The following CLYBL variants were observed in gnomAD, a reference collection of about 807,000 sequenced individuals.
CLYBL encodes citramalyl-CoA lyase, mitochondrial.
In CLYBL, 31 loss-of-function variants were observed where a neutral mutation model predicts 38.9. That is an observed-to-expected ratio of 0.80 (90% CI 0.60 to 1.08). The LOEUF (loss-of-function observed/expected upper bound fraction) is 1.08. CLYBL is among the 50% of genes least tolerant of loss of function. The pLI is 0.00. For synonymous variants in CLYBL, 171 were observed against 158.6 expected, an observed-to-expected ratio of 1.08 and a Z score of -0.59; for missense variants, 434 against 411.6, an observed-to-expected ratio of 1.05 and a Z score of -0.47.
chr13:99,768,250 A>G lies in CLYBL; in HGVS notation c.63-4574A>G, dbSNP rs1362743584. Among the ~76,000 whole-genome samples, 8 of 138,372 alleles carry G rather than the reference A, an allele frequency of 5.8e-5. 1 individual carries two copies. The highest frequency in any genetic ancestry group is 2.3e-4 in the South Asian group (1 of 4,346). The allele number at this position is 138,372 out of a possible 152,430, so 90.8% of individuals were successfully genotyped here. ...GCTCTGTCACCCAGGCTGGAGTGCAAACGGTGCTATCTCAGCTCACTGCAG... is the reference window on the plus strand; with the variant it reads ...GCTCTGTCACCCAGGCTGGAGTGCAGACGGTGCTATCTCAGCTCACTGCAG... On this transcript the variant is annotated intron_variant, in intron 1 of 8. Coordinates refer to ENST00000339105, the MANE Select transcript of CLYBL (RefSeq NM_206808.5).
intron 2 of CLYBL, among the ~76,000 whole-genome samples, chr13:99,813,700 A>G (rs1217335239): frequency 6.6e-6 from 1 of 152,208 alleles, no homozygotes; most frequent in Non-Finnish European, 1.5e-5. Flanking sequence ...GGATATGAGG[A>G]TTAAATCAGA....
At chr13:99,834,794 C>T (rs1185438830) in intron 2 of CLYBL, among the ~76,000 whole-genome samples, 1 of 152,218 alleles carries the variant, frequency 6.6e-6, no homozygotes, top group African/African-American at 2.4e-5. Context: ...CTGTCCTCAA[C>T]CCAGCCTTTA....
intron 2 of CLYBL, among the ~76,000 whole-genome samples, chr13:99,787,024 C>T (rs1381981009): frequency 6.6e-6 from 1 of 151,950 alleles, no homozygotes; most frequent in African/African-American, 2.4e-5. Context: ...ATTGTCTGTT[C>T]ACATCCTTCA....
chr13:99,815,690 A>C (rs2050432402), intron 2 of CLYBL, among the ~76,000 whole-genome samples: 1 of 152,160 alleles, frequency 6.6e-6, no homozygotes, highest in African/African-American at 2.4e-5. Flanking sequence ...GTTCAAGACA[A>C]ACATGGTGAA....
intron 1 of CLYBL, among the ~76,000 whole-genome samples, chr13:99,759,061 C>T (rs1312197645): frequency 6.6e-6 from 1 of 152,234 alleles, no homozygotes; most frequent in African/African-American, 2.4e-5. Flanking sequence ...TGCCTTTCTG[C>T]TCTTCCATTT....
chr13:99,715,345 G>C (rs1269457965), intron 1 of CLYBL, among the ~76,000 whole-genome samples: 1 of 151,936 alleles, frequency 6.6e-6, no homozygotes, highest in African/African-American at 2.4e-5. Context: ...TACTTCCTTT[G>C]CCCTTTTGGA....
At chr13:99,618,550 G>A (rs1045137125) in intron 1 of CLYBL, among the ~76,000 whole-genome samples, 1 of 152,192 alleles carries the variant, frequency 6.6e-6, no homozygotes, top group East Asian at 1.9e-4. Flanking sequence ...GATTACAGGC[G>A]TGAGCCACCA....
chr13:99,676,191 T>C (rs1436480852), intron 1 of CLYBL, among the ~76,000 whole-genome samples: 1 of 49,126 alleles, frequency 2.0e-5, no homozygotes, highest in African/African-American at 6.3e-5. Context: ...CGTCCGTCCT[T>C]CCTTCCTTCC....
At chr13:99,807,659 G>A (rs547059327) in intron 2 of CLYBL, among the ~76,000 whole-genome samples, 9 of 152,206 alleles carry the variant, frequency 5.9e-5, no homozygotes, top group Admixed American at 2.0e-4. Flanking sequence ...CAGGGGCCGG[G>A]GGGGAAGGAG....
chr13:99,864,141 A>G (rs1415901821), intron 4 of CLYBL, among the ~76,000 whole-genome samples: 2 of 152,240 alleles, frequency 1.3e-5, no homozygotes, highest in Admixed American at 6.5e-5. Context: ...TCCATAATGT[A>G]CTTAGAAGCA....
intron 2 of CLYBL, among the ~76,000 whole-genome samples, chr13:99,825,884 C>CT (rs1316321876): frequency 6.6e-6 from 1 of 152,210 alleles, no homozygotes; most frequent in Non-Finnish European, 1.5e-5. Context: ...TTCAGTTTGC[C>CT]TCCCAGTCCC....
chr13:99,767,913 T>C (rs1229425640), intron 1 of CLYBL, among the ~76,000 whole-genome samples: 1 of 152,198 alleles, frequency 6.6e-6, no homozygotes, highest in East Asian at 1.9e-4. Context: ...TGTTTTAAAG[T>C]CTTTGCCATC....
chr13:99,880,052 A>G (rs868736153), intron 7 of CLYBL, among the ~76,000 whole-genome samples: 73 of 48,728 alleles, frequency 1.5e-3, no homozygotes, highest in African/African-American at 3.8e-3. Context: ...GTGTGTATGT[A>G]TATATATATA....
At chr13:99,619,742 C>G (rs2046766134) in intron 1 of CLYBL, among the ~76,000 whole-genome samples, 1 of 152,190 alleles carries the variant, frequency 6.6e-6, no homozygotes, top group South Asian at 2.1e-4. Context: ...ATTTTTCTCA[C>G]CCATCAAAAG....
rs1255425851 is a variant in CLYBL at position 99,661,822 on chromosome 13, AAC to A, written c.62+55067_62+55068del. 5.9e-5 allele frequency among the ~76,000 whole-genome samples: 9 copies of A among 152,192 alleles called. No individual in the cohort carries two copies. In the East Asian group the frequency reaches 1.7e-3, roughly 29 times the overall value. On this transcript the variant is annotated intron_variant, in intron 1 of 8. Coordinates refer to ENST00000339105, the MANE Select transcript of CLYBL (RefSeq NM_206808.5). ...GTCTCTAAACAAAGTCTGATGTGTTAACAGTCTTATTAACGATGTTAAAATAG... is the reference window on the plus strand; with the variant it reads ...GTCTCTAAACAAAGTCTGATGTGTTAAGTCTTATTAACGATGTTAAAATAG...
At chr13:99,803,810 C>G (rs550431529) in intron 2 of CLYBL, among the ~76,000 whole-genome samples, 1 of 152,252 alleles carries the variant, frequency 6.6e-6, no homozygotes, top group East Asian at 1.9e-4. Flanking sequence ...AGGTAGTTCA[C>G]CGTCTAGTAT....
chr13:99,776,177 C>A (rs866139062), intron 2 of CLYBL, among the ~76,000 whole-genome samples: 7 of 8,910 alleles, frequency 7.9e-4, no homozygotes, highest in East Asian at 5.2e-3. Flanking sequence ...AAAAAAAAAC[C>A]AAAAAACAAA....
rs1205659219 is a variant in CLYBL at position 99,792,810 on chromosome 13, C to T, written c.249+19800C>T. On this transcript the variant is annotated intron_variant, in intron 2 of 8. Coordinates refer to ENST00000339105, the MANE Select transcript of CLYBL (RefSeq NM_206808.5). ...GTAGTCACCTGTTAGACTGCAGAAC[C>T]GGGGAGGCACTCCATTTGTCAGTGT... is the stretch of plus-strand genomic sequence containing the variant. Among the ~76,000 whole-genome samples, 5 of 152,088 alleles carry T rather than the reference C, an allele frequency of 3.3e-5. No individual in the cohort carries two copies. In the South Asian group the frequency reaches 6.2e-4, roughly 19 times the overall value.
intron 2 of CLYBL, among the ~76,000 whole-genome samples, chr13:99,775,320 T>C (rs184116438): frequency 3.3e-4 from 50 of 152,266 alleles, no homozygotes; most frequent in Admixed American, 3.0e-3. Flanking sequence ...TCCATAGTAG[T>C]AGCAGCTGTG....
Sources: gnomAD v4.1 joint callset for allele counts (sites outside exome capture counted in the v4.1 genomes callset) on GRCh38, gnomAD v4.1.1 for gene constraint, MANE v1.5 for transcripts, NCBI Gene and HGNC (gene_info 2026-07-23, HGNC 2026-07-21) for gene names.